The following RBPJ variants were observed in gnomAD, a reference collection of about 807,000 sequenced individuals.
RBPJ encodes recombination signal binding protein for immunoglobulin kappa J region.
RBPJ carries 9 observed loss-of-function variants against 67.8 expected under a neutral mutation model. The ratio of observed to expected loss-of-function variants is 0.13; its 90% CI spans 0.08 to 0.23. RBPJ has a LOEUF of 0.23. Ranked by LOEUF, RBPJ falls within the 10% of genes least tolerant of loss-of-function variation. RBPJ has a pLI of 1.00. For missense variants in RBPJ, 305 were observed against 595.6 expected (o/e 0.51, Z 5.08); for synonymous variants, 198 against 203.3 (o/e 0.97, Z 0.22).
rs1321831486 is a variant in RBPJ at position 26,214,958 on chromosome 4, AGGAG to A, written c.-167+51360_-167+51363del. On this transcript the variant is annotated intron_variant, in intron 1 of 4. Coordinates refer to the RBPJ transcript ENST00000512351. ...GAGGGAGGGAGGAAGGACGGAAGGA[AGGAG>A]GGAGGGAGGGAGGGAAGGAAGGAGG... 5.2e-3 allele frequency among the ~76,000 whole-genome samples: 244 copies of A among 46,528 alleles called. 11 individuals are homozygous for A. The highest frequency in any genetic ancestry group is 0.023 in the African/African-American group (220 of 9,698). 30.5% of individuals were successfully genotyped at this position (46,528 alleles called of 152,430 possible).
At chr4:26,316,993 A>G (rs1722674098), upstream of RBPJ, among the ~76,000 whole-genome samples, 1 of 151,260 alleles carries the variant, frequency 6.6e-6, no homozygotes, top group Non-Finnish European at 1.5e-5. Context: ...ACTCTGCCCT[A>G]AAGTGGAAGA....
chr4:26,119,992 G>A, the RBPJ span, among the ~76,000 whole-genome samples: 4 of 152,180 alleles, frequency 2.6e-5, no homozygotes, highest in Admixed American at 6.5e-5. Flanking sequence ...TCTCTTTCTA[G>A]AAAAGTCTGA....
chr4:26,232,608 T>C (rs1225296591), intron 1 of RBPJ, among the ~76,000 whole-genome samples: 1 of 152,262 alleles, frequency 6.6e-6, no homozygotes, highest in Non-Finnish European at 1.5e-5. Flanking sequence ...TGTAACAGAA[T>C]GTTCTTAAGT....
At chr4:26,415,426 C>G in intron 3 of RBPJ, 49 bp from the exon 4 acceptor site, 1 of 1,364,732 alleles carries the variant, frequency 7.3e-7, no homozygotes, top group Non-Finnish European at 1.0e-6. Context: ...TTTATTGAAT[C>G]TAATTGATTT....
chr4:26,339,576 G>C (rs1278419333), intron 1 of RBPJ, among the ~76,000 whole-genome samples: 1 of 152,210 alleles, frequency 6.6e-6, no homozygotes, highest in South Asian at 2.1e-4. Flanking sequence ...GGAGTTTGCA[G>C]TGAGCTGAGA....
intron 1 of RBPJ, among the ~76,000 whole-genome samples, chr4:26,243,021 G>A (rs887079707): frequency 2.6e-5 from 4 of 152,270 alleles, no homozygotes; most frequent in South Asian, 4.1e-4. Flanking sequence ...AAGGTTGGGC[G>A]TTCGAGACCA....
At chr4:26,223,903 A>G (rs1455053768) in intron 1 of RBPJ, among the ~76,000 whole-genome samples, 1 of 152,228 alleles carries the variant, frequency 6.6e-6, no homozygotes. Flanking sequence ...TCCATGCTCT[A>G]TAATTACGGA....
chr4:26,241,491 A>AT (rs1719635312), intron 1 of RBPJ, among the ~76,000 whole-genome samples: 2 of 151,910 alleles, frequency 1.3e-5, no homozygotes, highest in East Asian at 3.9e-4. Flanking sequence ...TCTTCTTTTC[A>AT]CTTTTTTTTC....
intron 1 of RBPJ, among the ~76,000 whole-genome samples, chr4:26,239,443 ACT>A (rs1719559704): frequency 6.6e-6 from 1 of 152,168 alleles, no homozygotes; most frequent in Non-Finnish European, 1.5e-5. Flanking sequence ...AATGGTAGTG[ACT>A]CTGCAAATAA....
At chr4:26,190,319 G>A (rs184103550) in intron 1 of RBPJ, among the ~76,000 whole-genome samples, 2 of 152,272 alleles carry the variant, frequency 1.3e-5, no homozygotes, top group African/African-American at 2.4e-5. Context: ...CAACTTCTAA[G>A]GCAAAACCTG....
At chr4:26,391,370 C>T (rs558817439) in intron 2 of RBPJ, among the ~76,000 whole-genome samples, 19 of 152,170 alleles carry the variant, frequency 1.2e-4, no homozygotes, top group African/African-American at 4.1e-4. Context: ...AGTCAAGGTG[C>T]GAAGGCAATT....
At chr4:26,232,040 C>T (rs1422444200) in intron 1 of RBPJ, among the ~76,000 whole-genome samples, 2 of 151,402 alleles carry the variant, frequency 1.3e-5, no homozygotes, top group Non-Finnish European at 2.9e-5. Flanking sequence ...TACAGGCATG[C>T]ATCACCATGC....
intron 1 of RBPJ, among the ~76,000 whole-genome samples, chr4:26,228,842 C>T (rs1288209148): frequency 6.6e-6 from 1 of 152,194 alleles, no homozygotes; most frequent in Non-Finnish European, 1.5e-5. Context: ...CTTGGACCTG[C>T]AGAGCTTGGT....
intron 1 of RBPJ, among the ~76,000 whole-genome samples, chr4:26,191,208 TATAGAGAGAG>T (rs1369701062): frequency 0.013 from 355 of 27,228 alleles, 3 homozygotes; most frequent in South Asian, 0.031. Context: ...TATATATATA[TATAGAGAGAG>T]AGAGAGAGAG....
At chr4:26,111,299 T>C in the RBPJ span, among the ~76,000 whole-genome samples, 1 of 152,018 alleles carries the variant, frequency 6.6e-6, no homozygotes. Context: ...TGCAAGCAGC[T>C]CTCCAAACAC....
intron 1 of RBPJ, among the ~76,000 whole-genome samples, chr4:26,181,032 A>T (rs937376896): frequency 2.6e-5 from 4 of 152,084 alleles, no homozygotes; most frequent in Admixed American, 2.0e-4. Context: ...ACCATGTAAG[A>T]CATCCCTTTG....
chr4:26,189,092 C>T (rs77121603), intron 1 of RBPJ, among the ~76,000 whole-genome samples: 12,872 of 152,206 alleles, frequency 0.085, 774 homozygotes, highest in Non-Finnish European at 0.13. Flanking sequence ...GGGCTCACAT[C>T]TGTAATCCCA....
At chr4:26,393,089 C>T (rs759329657) in intron 2 of RBPJ, among the ~76,000 whole-genome samples, 9 of 152,254 alleles carry the variant, frequency 5.9e-5, no homozygotes, top group African/African-American at 2.2e-4. Context: ...TAAAGTGATC[C>T]GCCTGCCTTG....
chr4:26,407,099 G>C (rs1411620995), intron 3 of RBPJ, among the ~76,000 whole-genome samples: 3 of 152,170 alleles, frequency 2.0e-5, no homozygotes, highest in Non-Finnish European at 2.9e-5. Context: ...GCTACATAAT[G>C]TCCCCGAAAT....
Sources: gnomAD v4.1 joint callset for allele counts (sites outside exome capture counted in the v4.1 genomes callset) on GRCh38, gnomAD v4.1.1 for gene constraint, MANE v1.5 for transcripts, NCBI Gene and HGNC (gene_info 2026-07-23, HGNC 2026-07-21) for gene names.